GTF2E2: variants seen among roughly 807,000 people sequenced by gnomAD.
The protein encoded by GTF2E2 is transcription initiation factor IIE subunit beta.
A neutral mutation model predicts 40.5 loss-of-function variants in GTF2E2; 21 were observed. The observed-to-expected ratio is 0.52, with a 90% confidence interval of 0.37 to 0.75. GTF2E2 has a LOEUF of 0.75. Among genes scored for constraint, GTF2E2 ranks in the 30% least tolerant of loss-of-function variants. GTF2E2 has a pLI of 0.00. For synonymous variants in GTF2E2, 117 were observed against 121.6 expected (o/e 0.96, Z 0.25); for missense variants, 298 against 338.4 (o/e 0.88, Z 0.94).
intron 3 of GTF2E2, among the ~76,000 whole-genome samples, chr8:30,629,549 C>T (rs186104594): frequency 6.6e-6 from 1 of 151,876 alleles, no homozygotes; most frequent in Non-Finnish European, 1.5e-5. Flanking sequence ...ATTAGCCAGG[C>T]GTGGTGGCAG....
At chr8:30,603,810 A>C (rs987875159) in intron 6 of GTF2E2, among the ~76,000 whole-genome samples, 1 of 152,172 alleles carries the variant, frequency 6.6e-6, no homozygotes, top group Non-Finnish European at 1.5e-5. Context: ...GAGATAAAAT[A>C]AGTAGTTCAC....
rs1459684564 is a variant in GTF2E2 at position 30,645,520 on chromosome 8, A to G, written c.166+7913T>C. On this transcript the variant is annotated intron_variant, in intron 2 of 7. Coordinates refer to ENST00000355904, the MANE Select transcript of GTF2E2 (RefSeq NM_002095.6). ...CTGCTGTGTAAAAAACAAAACCGTG[A>G]AAGACTTGAAAAGTGAACCCAACCC... The G allele has an allele frequency of 4.6e-6, 7 of 1,535,588 alleles. No homozygotes were observed. The African/African-American group carries it at 6.8e-5, about 15-fold the overall frequency.
intron 3 of GTF2E2, among the ~76,000 whole-genome samples, chr8:30,626,932 G>C (rs550965437): frequency 6.6e-6 from 1 of 152,304 alleles, no homozygotes; most frequent in South Asian, 2.1e-4. Context: ...GAATCTCAGA[G>C]TAAAGCTCTT....
chr8:30,648,829 A>G (rs1450637493), intron 2 of GTF2E2, among the ~76,000 whole-genome samples: 2 of 152,212 alleles, frequency 1.3e-5, no homozygotes, highest in African/African-American at 4.8e-5. Context: ...TTGTTTTAAG[A>G]AACTGAGATT....
intron 3 of GTF2E2, among the ~76,000 whole-genome samples, chr8:30,616,848 T>G: frequency 6.6e-6 from 1 of 152,094 alleles, no homozygotes; most frequent in East Asian, 1.9e-4. Context: ...GAAAAAAGTA[T>G]GTATGTTAAA....
chr8:30,615,394 G>A (rs1800890833), intron 3 of GTF2E2, among the ~76,000 whole-genome samples: 1 of 152,124 alleles, frequency 6.6e-6, no homozygotes, highest in African/African-American at 2.4e-5. Flanking sequence ...CCTATTTCTA[G>A]AAACTTATCC....
chr8:30,614,047 A>T (rs949902550), intron 4 of GTF2E2, among the ~76,000 whole-genome samples: 1 of 152,232 alleles, frequency 6.6e-6, no homozygotes, highest in Non-Finnish European at 1.5e-5. Flanking sequence ...ACAAGCACAC[A>T]AACTATAAAT....
intron 1 of GTF2E2, among the ~76,000 whole-genome samples, chr8:30,654,299 G>A (rs573580120): frequency 3.3e-5 from 5 of 152,124 alleles, no homozygotes; most frequent in African/African-American, 1.2e-4. Flanking sequence ...AATTACTAAC[G>A]AGATATTTTA....
intron 6 of GTF2E2, among the ~76,000 whole-genome samples, chr8:30,599,644 T>G (rs1829116012): frequency 6.7e-6 from 1 of 150,172 alleles, no homozygotes; most frequent in Non-Finnish European, 1.5e-5. Flanking sequence ...CAGAAAAAAT[T>G]GTTTTAGAGT....
chr8:30,621,431 C>T (rs1038731282), intron 3 of GTF2E2, among the ~76,000 whole-genome samples: 13 of 151,830 alleles, frequency 8.6e-5, no homozygotes, highest in African/African-American at 3.2e-4. Flanking sequence ...GAGTGATGAA[C>T]AATAAAAGAT....
intron 7 of GTF2E2, among the ~76,000 whole-genome samples, chr8:30,579,738 T>C (rs373071430): frequency 6.6e-6 from 1 of 152,334 alleles, no homozygotes. Flanking sequence ...GCTTTGTTCT[T>C]AGACTACAGA....
At chr8:30,613,883 G>A (rs1400017777) in intron 4 of GTF2E2, among the ~76,000 whole-genome samples, 5 of 152,272 alleles carry the variant, frequency 3.3e-5, no homozygotes, top group African/African-American at 4.8e-5. Flanking sequence ...CACTGACTGC[G>A]TTGGGGTTTC....
chr8:30,579,759 T>A (rs1828456024), intron 7 of GTF2E2, among the ~76,000 whole-genome samples: 1 of 152,224 alleles, frequency 6.6e-6, no homozygotes, highest in African/African-American at 2.4e-5. Flanking sequence ...TTTTATTTGC[T>A]GGTGCAAGGC....
At chr8:30,623,923 A>G (rs192357259) in intron 3 of GTF2E2, among the ~76,000 whole-genome samples, 4 of 151,754 alleles carry the variant, frequency 2.6e-5, no homozygotes, top group Admixed American at 2.6e-4. Context: ...CCTTTGTCAG[A>G]TGAGTAGATT....
Position 30,636,859 on chromosome 8 carries a change from A to T in GTF2E2, c.167-1736T>A. 26 of 199,636 alleles carry T rather than the reference A, an allele frequency of 1.3e-4. No individual in the cohort carries two copies. In the South Asian group the frequency reaches 1.5e-3, roughly 11 times the overall value. 12.4% of individuals were successfully genotyped at this position (199,636 alleles called of 1,614,324 possible). Reference sequence around the variant, plus strand: ...AGAGTGAGACTCCGTCTCAAAATTAAAAAAAAAAAAAAAAAGAATGCCTTA... The same window carrying T: ...AGAGTGAGACTCCGTCTCAAAATTATAAAAAAAAAAAAAAAGAATGCCTTA... On this transcript the variant is annotated intron_variant, in intron 2 of 7. Transcript: ENST00000355904.
At chr8:30,647,937 C>T (rs1293118238) in intron 2 of GTF2E2, among the ~76,000 whole-genome samples, 1 of 152,124 alleles carries the variant, frequency 6.6e-6, no homozygotes, top group African/African-American at 2.4e-5. Flanking sequence ...AGGCCAGATA[C>T]TGAGGGCAGA....
intron 2 of GTF2E2, among the ~76,000 whole-genome samples, chr8:30,651,702 C>T (rs929753185): frequency 6.6e-6 from 1 of 152,156 alleles, no homozygotes; most frequent in Admixed American, 6.5e-5. Context: ...TATGGAAATC[C>T]CAGCAGGCTT....
At chr8:30,629,397 GC>G (rs2151143088) in intron 3 of GTF2E2, among the ~76,000 whole-genome samples, 1 of 152,046 alleles carries the variant, frequency 6.6e-6, no homozygotes, top group East Asian at 1.9e-4. Context: ...CACTTGAAGG[GC>G]TTTTTTAAAA....
intron 3 of GTF2E2, among the ~76,000 whole-genome samples, chr8:30,622,003 T>C (rs538338665): frequency 1.3e-4 from 19 of 151,938 alleles, no homozygotes; most frequent in South Asian, 8.3e-4. Flanking sequence ...TTTAAAGTTC[T>C]AGGGTACATG....
Sources: gnomAD v4.1 joint callset for allele counts (sites outside exome capture counted in the v4.1 genomes callset) on GRCh38, gnomAD v4.1.1 for gene constraint, MANE v1.5 for transcripts, NCBI Gene and HGNC (gene_info 2026-07-23, HGNC 2026-07-21) for gene names.